Variants in ZC3H7B observed in about 807,000 individuals in gnomAD.
ZC3H7B encodes zinc finger CCCH-type containing 7B.
Under a neutral mutation model 116.0 loss-of-function variants are expected in ZC3H7B, and 35 were observed. That is an observed-to-expected ratio of 0.30 (90% CI 0.23 to 0.40). The LOEUF is 0.40. ZC3H7B is among the 10% of genes least tolerant of loss of function. The pLI, the probability that ZC3H7B is intolerant of heterozygous loss-of-function variation, is 1.00. For synonymous variants in ZC3H7B, 502 were observed against 545.6 expected (o/e 0.92, Z 1.11); for missense variants, 1,011 against 1,321.5 (o/e 0.77, Z 3.64).
intron 6 of ZC3H7B, 108 bp from the exon 7 acceptor site, chr22:41,332,063 C>A: frequency 8.3e-7 from 1 of 1,203,490 alleles, no homozygotes; most frequent in Non-Finnish European, 1.2e-6. Flanking sequence ...GGGGGCGCTG[C>A]AGACCCCAGC....
At chr22:41,343,316 A>G in intron 12 of ZC3H7B, 99 bp from the exon 13 acceptor site, 1 of 1,462,578 alleles carries the variant, frequency 6.8e-7, no homozygotes, top group Non-Finnish European at 9.2e-7. Context: ...AGGTAGGTAT[A>G]TAAGGAGGGG....
Position 41,312,769 on chromosome 22 carries a change from A to C in ZC3H7B, c.-6-7886A>C, listed in dbSNP as rs141699765. On this transcript the variant is annotated intron_variant, in intron 1 of 22. Coordinates refer to ENST00000352645, the MANE Select transcript of ZC3H7B (RefSeq NM_017590.6). ...CAAAAAATACAAAAAAAATTAGCCA[A>C]GCGTGATGGTGCGTGCCTGTGGTCC... Among the ~76,000 whole-genome samples the C allele has an allele frequency of 2.6e-5, 4 of 151,004 alleles. No individual in the cohort carries two copies. The South Asian group carries it at 8.4e-4, about 32-fold the overall frequency.
intron 1 of ZC3H7B, among the ~76,000 whole-genome samples, chr22:41,308,615 T>A (rs2036077257): frequency 6.6e-6 from 1 of 152,218 alleles, no homozygotes; most frequent in South Asian, 2.1e-4. Context: ...TCTCTTGTCA[T>A]ACGTCCTCCC....
intron 17 of ZC3H7B, among the ~76,000 whole-genome samples, chr22:41,352,533 C>T (rs1334653851): frequency 4.6e-5 from 7 of 152,166 alleles, no homozygotes; most frequent in African/African-American, 1.4e-4. Flanking sequence ...GAGACTGAGG[C>T]GGGCGGGTCA....
intron 2 of ZC3H7B, 72 bp from the exon 3 acceptor site, chr22:41,325,492 G>A: frequency 6.4e-7 from 1 of 1,561,026 alleles, no homozygotes; most frequent in South Asian, 1.2e-5. Context: ...TGAGTTGGAG[G>A]AGTAGCTCTG....
chr22:41,307,364 C>T (rs975116048), intron 1 of ZC3H7B, among the ~76,000 whole-genome samples: 4 of 152,178 alleles, frequency 2.6e-5, no homozygotes, highest in Non-Finnish European at 4.4e-5. Flanking sequence ...TTCCTTCTCA[C>T]CAAATTCATT....
At chr22:41,341,221 C>T (rs2036518782) in intron 11 of ZC3H7B, 75 bp downstream of exon 11, 7 of 1,561,464 alleles carry the variant, frequency 4.5e-6, no homozygotes, top group Non-Finnish European at 6.2e-6. Context: ...GGGGAATGAG[C>T]CCTCTGCATG....
At chr22:41,343,629 C>T in intron 13 of ZC3H7B, 53 bp downstream of exon 13, 3 of 1,507,726 alleles carry the variant, frequency 2.0e-6, no homozygotes, top group Non-Finnish European at 2.7e-6. Context: ...GCCCCTCCAC[C>T]CCCAGCCGCT....
chr22:41,305,004 G>A (rs1442652546), intron 1 of ZC3H7B, among the ~76,000 whole-genome samples: 1 of 152,132 alleles, frequency 6.6e-6, no homozygotes, highest in Non-Finnish European at 1.5e-5. Context: ...TTGAGGTCAC[G>A]AGTTCGAGAC....
intron 4 of ZC3H7B, among the ~76,000 whole-genome samples, chr22:41,326,272 A>G (rs2036316932): frequency 6.6e-6 from 1 of 151,898 alleles, no homozygotes; most frequent in African/African-American, 2.4e-5. Context: ...TGTTTCTTCC[A>G]TAGCCTCAGC....
intron 6 of ZC3H7B, 136 bp downstream of exon 6, chr22:41,330,239 T>C: frequency 2.4e-6 from 2 of 821,054 alleles, no homozygotes; most frequent in Admixed American, 2.8e-5. Context: ...GCAGGTGATC[T>C]TCCTTGTCTG....
intron 16 of ZC3H7B, among the ~76,000 whole-genome samples, chr22:41,350,831 C>G (rs1043238017): frequency 1.7e-4 from 26 of 152,176 alleles, no homozygotes; most frequent in African/African-American, 6.3e-4. Flanking sequence ...AACTGGATGT[C>G]AAGTGCAGTG....
At position 41,348,242 on chromosome 22, in the gene ZC3H7B, G is replaced by A. The variant is rs1283587253; in HGVS notation, c.1766+75G>A. On this transcript the variant is annotated intron_variant, in intron 15 of 22. Transcript: ENST00000352645. ...CCCCTCAGGCAGCTCAGATGGCTGA[G>A]GAAAGGCTGAACTGAAAGGGTGGAT... 2.2e-6 allele frequency: 3 copies of A among 1,357,924 alleles called. 1 individual carries two copies. In the Admixed American group the frequency reaches 5.1e-5, roughly 23 times the overall value. 84.1% of individuals were successfully genotyped at this position (1,357,924 alleles called of 1,614,324 possible).
intron 5 of ZC3H7B, among the ~76,000 whole-genome samples, chr22:41,329,532 T>G (rs1807574250): frequency 6.6e-6 from 1 of 152,086 alleles, no homozygotes; most frequent in Non-Finnish European, 1.5e-5. Context: ...GTGCTGGGAT[T>G]ACAGGCATGA....
In ZC3H7B at chr22:41,327,400, C is replaced by A; in HGVS notation, c.444+36C>A. On this transcript the variant is annotated intron_variant, in intron 5 of 22. Coordinates refer to ENST00000352645, the MANE Select transcript of ZC3H7B (RefSeq NM_017590.6). This position sits in a 1 kb window ranked among gnomAD's most constrained non-coding sequence, Gnocchi z 4.5. Reference sequence around the variant, plus strand: ...CTCTGCAGCCACGCCGGTGCCTGCTCAGAGGCCAGGCTTCTGACCTTCCGG... The same window carrying A: ...CTCTGCAGCCACGCCGGTGCCTGCTAAGAGGCCAGGCTTCTGACCTTCCGG... 1 of 1,599,216 alleles carries A rather than the reference C, an allele frequency of 6.3e-7. No individual in the cohort carries two copies. Among genetic ancestry groups the A allele is most frequent in the East Asian group, 2.2e-5 (1 of 44,782 alleles).
intron 1 of ZC3H7B, among the ~76,000 whole-genome samples, chr22:41,319,021 C>T (rs373164974): frequency 6.6e-6 from 1 of 152,190 alleles, no homozygotes; most frequent in East Asian, 1.9e-4. Context: ...ATAATTCCAG[C>T]ACTTTGGGAG....
intron 17 of ZC3H7B, among the ~76,000 whole-genome samples, chr22:41,354,314 T>C (rs1601797437): frequency 1.3e-5 from 2 of 152,222 alleles, no homozygotes; most frequent in East Asian, 3.8e-4. Context: ...CCTGCTCCAG[T>C]GCAGGCCGTC....
chr22:41,313,281 G>A (rs913943850), intron 1 of ZC3H7B, among the ~76,000 whole-genome samples: 6 of 152,076 alleles, frequency 3.9e-5, no homozygotes, highest in Non-Finnish European at 1.5e-5. Context: ...ACCACGCCAG[G>A]CTAATTTTTT....
rs1229317105 is a variant in ZC3H7B at position 41,357,443 on chromosome 22, C to T, written c.*14C>T. 1.3e-6 allele frequency: 2 copies of T among 1,520,594 alleles called. No individual in the cohort carries two copies. The highest frequency in any genetic ancestry group is 2.2e-5 in the South Asian group (2 of 90,124). 94.2% of individuals were successfully genotyped at this position (1,520,594 alleles called of 1,614,324 possible). A position where few individuals can be genotyped will look rare whatever the true frequency, so the allele number is the denominator to read the frequency against. On this transcript the variant is annotated 3_prime_UTR_variant, in exon 23 of 23. Transcript: ENST00000352645. This position sits in a 1 kb window ranked among gnomAD's most constrained non-coding sequence, Gnocchi z 5.4. ...ACTGGGGAGTAGGGCCAGGTGTTGG[C>T]CGTGGGTGAAGTCCTGGGGTCAGGG...
Sources: allele counts gnomAD v4.1 joint callset (sites outside exome capture counted in the v4.1 genomes callset), GRCh38; gene constraint gnomAD v4.1.1; non-coding constraint Gnocchi (gnomAD v3.1); transcripts MANE v1.5; gene names NCBI Gene and HGNC (gene_info 2026-07-23, HGNC 2026-07-21).